The following NLE1 variants were observed in gnomAD, a reference collection of about 807,000 sequenced individuals.
NLE1 encodes the protein notchless protein homolog 1.
A neutral mutation model predicts 62.8 loss-of-function variants in NLE1; 37 were observed. The observed-to-expected ratio is 0.59, with a 90% CI of 0.45 to 0.78. The LOEUF is 0.78. NLE1 is among the 30% of genes least tolerant of loss of function. The pLI is 0.00. For missense variants in NLE1, 555 were observed against 637.9 expected (o/e 0.87, Z 1.40); for synonymous variants, 243 against 253.0 (o/e 0.96, Z 0.37).
intron 4 of NLE1, among the ~76,000 whole-genome samples, chr17:35,138,339 G>A (rs2091922083): frequency 6.6e-6 from 1 of 152,162 alleles, no homozygotes; most frequent in Non-Finnish European, 1.5e-5. Context: ...AGCATCTCCT[G>A]GGAACTTGTT....
At position 35,136,416 on chromosome 17, in the gene NLE1, C is replaced by T. The variant is rs981634305; in HGVS notation, c.910G>A (p.Gly304Arg). 3.1e-6 allele frequency: 5 copies of T among 1,614,160 alleles called. No homozygotes were observed. The highest frequency in any genetic ancestry group is 1.1e-5 in the South Asian group (1 of 91,084). Reference protein sequence around the residue: ...ALSTDYALRTGAFEPAEASVN... With the variant: ...ALSTDYALRTRAFEPAEASVN... ...GAGGCCTCAGCAGGTTCAAAGGCCCCAGTGCGCAGGGCATAGTCAGTGCTG... is the reference window on the plus strand; with the variant it reads ...GAGGCCTCAGCAGGTTCAAAGGCCCTAGTGCGCAGGGCATAGTCAGTGCTG... The change falls in exon 8 of 13, where the codon GGG becomes AGG. Residue 304 changes from glycine to arginine, a missense_variant. Physicochemically the swap from Gly to Arg is moderately radical, Grantham distance 125. Transcript: ENST00000442241.
rs1466711490 is a variant in NLE1 at position 35,130,641 on chromosome 17, C to T, written c.*1796G>A. The T allele has an allele frequency of 7.0e-6, 4 of 571,796 alleles. No individual in the cohort carries two copies. Among genetic ancestry groups the T allele is most frequent in the African/African-American group, 5.6e-5 (3 of 53,328 alleles). 35.4% of individuals were successfully genotyped at this position (571,796 alleles called of 1,614,324 possible). A position where few individuals can be genotyped will look rare whatever the true frequency, so the allele number is the denominator to read the frequency against. On this transcript the variant is annotated 3_prime_UTR_variant, in exon 13 of 13. Coordinates refer to ENST00000442241, the MANE Select transcript of NLE1 (RefSeq NM_018096.5). ...GCATCTCAGGCCAGGCCATGCCAGG[C>T]TCAGCCACTGCCCACAGCTGCTAGA... is the stretch of plus-strand genomic sequence containing the variant.
rs367653256 is a variant in NLE1, at chr17:35,137,127, A to G, written c.702T>C (p.Thr234=). Residue 234 remains threonine, a synonymous_variant, in exon 7 of 13, where the codon ACT becomes ACC. Coordinates refer to ENST00000442241, the MANE Select transcript of NLE1 (RefSeq NM_018096.5). ...KDGSVRIWDT[T]AGRCERILTG... is the part of the protein sequence containing the mutation. The stretch of plus-strand genomic sequence containing the variant: ...TGAGGATGCGCTCACAGCGGCCTGC[A>G]GTTGTGTCCCAGATCCGCACACTGC... The G allele has an allele frequency of 5.0e-6, 8 of 1,613,788 alleles. No individual in the cohort carries two copies. Among genetic ancestry groups the G allele is most frequent in the Non-Finnish European group, 6.8e-6 (8 of 1,179,888 alleles).
Position 35,136,477 on chromosome 17 carries a change from C to G in NLE1, c.849G>C (p.Leu283=). 6.2e-7 allele frequency: 1 copy of G among 1,613,930 alleles called. No homozygotes were observed. Among genetic ancestry groups the G allele is most frequent in the Non-Finnish European group, 8.5e-7 (1 of 1,179,862 alleles). ...TGTTCACCCAGTGGCCGTGGCCTTG[C>G]AGAGTCCGGCACAGCACACCCTACG... ...RAHDGVLCRT[L]QGHGHWVNTM... Residue 283 remains leucine (L), a synonymous_variant, in exon 8 of 13, where the codon CTG becomes CTC. Transcript: ENST00000442241.
intron 10 of NLE1, among the ~76,000 whole-genome samples, chr17:35,134,477 GCAA>G (rs896557578): frequency 3.3e-5 from 5 of 151,780 alleles, no homozygotes; most frequent in African/African-American, 1.2e-4. Context: ...TCGACTCACT[GCAA>G]CCTTTGCCTC....
Position 35,132,266 on chromosome 17 carries a change from C to T in NLE1, c.*171G>A. On this transcript the variant is annotated 3_prime_UTR_variant, in exon 13 of 13. Transcript: ENST00000442241. ...TCTGGGGTGTGCCACAGGCGGGGAT[C>T]TGTGGGAAAACCCCATTCCGGTCTA... 2 of 459,962 alleles carry T rather than the reference C, an allele frequency of 4.3e-6. No homozygotes were observed. The allele number at this position is 459,962 out of a possible 1,614,324, so 28.5% of individuals were successfully genotyped here. A position where few individuals can be genotyped will look rare whatever the true frequency, so the allele number is the denominator to read the frequency against.
chr17:35,132,582 TG>T, intron 12 of NLE1, 133 bp from the exon 13 acceptor site: 1 of 762,086 alleles, frequency 1.3e-6, no homozygotes, highest in Non-Finnish European at 1.9e-6. Context: ...TGACCGTCCC[TG>T]CTCTGCCCAC....
At chr17:35,134,926 C>T (rs1567744524) in intron 10 of NLE1, 2 of 427,906 alleles carry the variant, frequency 4.7e-6, no homozygotes, top group Non-Finnish European at 9.1e-6. Flanking sequence ...GTGGCGGAGG[C>T]CTGTAATCCC....
Position 35,130,462 on chromosome 17 carries a change from C to A in NLE1, c.*1975G>T. 1 of 1,603,630 alleles carries A rather than the reference C, an allele frequency of 6.2e-7. No homozygotes were observed. The highest frequency in any genetic ancestry group is 1.1e-5 in the South Asian group (1 of 90,128). Reference sequence around the variant, plus strand: ...GGGAGGGCCCCAGGACACCCCTCACCTACTTTCAGCTTCAACCCCAGGCCC... The same window carrying A: ...GGGAGGGCCCCAGGACACCCCTCACATACTTTCAGCTTCAACCCCAGGCCC... On this transcript the variant is annotated 3_prime_UTR_variant, in exon 13 of 13. Transcript: ENST00000442241.
At chr17:35,139,140 C>CTGTGACTGCACCAG in intron 4 of NLE1, 95 bp downstream of exon 4, 2 of 1,059,546 alleles carry the variant, frequency 1.9e-6, no homozygotes, top group East Asian at 5.0e-5. Flanking sequence ...TTCAAGTGAG[C>CTGTGACTGCACCAG]TGTGACTGCA....
chr17:35,136,764 A>G (rs759676683), intron 7 of NLE1, among the ~76,000 whole-genome samples: 11 of 152,162 alleles, frequency 7.2e-5, no homozygotes, highest in Non-Finnish European at 1.5e-4. Context: ...ATAAAGCCCA[A>G]CAGCTGTCCT....
chr17:35,137,658 A>T lies in NLE1; in HGVS notation c.538-18T>A. On this transcript the variant is annotated intron_variant, in intron 5 of 12. Coordinates refer to ENST00000442241, the MANE Select transcript of NLE1 (RefSeq NM_018096.5). ...AGGAGAATCTGAAGGACAGAAGCTC[A>T]CTGAATAATCCTCCCCAACAGGTCT... 2.5e-6 allele frequency: 4 copies of T among 1,599,262 alleles called. No individual in the cohort carries two copies. The highest frequency in any genetic ancestry group is 3.4e-6 in the Non-Finnish European group (4 of 1,171,042).
At chr17:35,135,090 T>C in intron 10 of NLE1, 159 bp downstream of exon 10, 1 of 725,390 alleles carries the variant, frequency 1.4e-6, no homozygotes, top group Non-Finnish European at 2.4e-6. Context: ...AAACACCTTG[T>C]AACAAAGCTG....
Position 35,139,903 on chromosome 17 carries a change from G to T in NLE1, c.326C>A (p.Ser109Tyr), listed in dbSNP as rs771335811. The T allele has an allele frequency of 1.2e-6, 2 of 1,614,052 alleles. No individual in the cohort carries two copies. The highest frequency in any genetic ancestry group is 8.5e-7 in the Non-Finnish European group (1 of 1,180,038). Residue 109 changes from serine to tyrosine, a missense_variant, in exon 3 of 13, where the codon TCC (serine) becomes TAC (tyrosine). Ser to Tyr is a moderately radical substitution (Grantham distance 144). Coordinates refer to ENST00000442241, the MANE Select transcript of NLE1 (RefSeq NM_018096.5). Reference protein sequence around the residue: ...RVRAVTRCTSSLEGHSEAVIS... With the variant: ...RVRAVTRCTSYLEGHSEAVIS... ...GACTGCCTCACTGTGACCCTCCAAG[G>T]AGCTGGTGCAGCGAGTCACAGCCCG...
chr17:35,136,422 G>A lies in NLE1; in HGVS notation c.904C>T (p.Arg302Cys), dbSNP rs368313443. 1.4e-5 allele frequency: 22 copies of A among 1,614,130 alleles called. No homozygotes were observed. The highest frequency in any genetic ancestry group is 4.4e-5 in the South Asian group (4 of 91,080). ...TMALSTDYALRTGAFEPAEAS... is the reference protein window; with the variant it reads ...TMALSTDYALCTGAFEPAEAS... ...TCAGCAGGTTCAAAGGCCCCAGTGC[G>A]CAGGGCATAGTCAGTGCTGAGGGCC... The change falls in exon 8 of 13, where the codon CGC becomes TGC. Residue 302 changes from arginine to cysteine, a missense_variant. By Grantham distance (180) the Arg-to-Cys change is radical. Transcript: ENST00000442241.
chr17:35,132,068 CT>C lies in NLE1; in HGVS notation c.*368del, dbSNP rs2091878961. The C allele has an allele frequency of 5.6e-6, 1 of 179,862 alleles. No homozygotes were observed. The highest frequency in any genetic ancestry group is 1.2e-5 in the Non-Finnish European group (1 of 86,668). The allele number at this position is 179,862 out of a possible 1,614,324, so 11.1% of individuals were successfully genotyped here. On this transcript the variant is annotated 3_prime_UTR_variant, in exon 13 of 13. Coordinates refer to ENST00000442241, the MANE Select transcript of NLE1 (RefSeq NM_018096.5). ...AGGAATTAGAACCCAACACACAAAA[CT>C]TAAGTTACTTATTTGGTCATAGAAC...
In NLE1 at chr17:35,130,297, A is replaced by G. The variant is rs78526886; in HGVS notation, c.*2140T>C. Reference sequence around the variant, plus strand: ...TTCACTTCAGTTTGCAACCCTGGCCACTGACTTCAGCAGCTTTCCTGAGAA... The same window carrying G: ...TTCACTTCAGTTTGCAACCCTGGCCGCTGACTTCAGCAGCTTTCCTGAGAA... On this transcript the variant is annotated 3_prime_UTR_variant, in exon 13 of 13. Coordinates refer to ENST00000442241, the MANE Select transcript of NLE1 (RefSeq NM_018096.5). The G allele has an allele frequency of 6.2e-7, 1 of 1,613,910 alleles. No homozygotes were observed. The highest frequency in any genetic ancestry group is 1.7e-4 in the Middle Eastern group (1 of 6,054).
Position 35,142,247 on chromosome 17 carries a change from C to T in NLE1, c.18+11G>A, listed in dbSNP as rs2091949039. 6.5e-7 allele frequency: 1 copy of T among 1,550,286 alleles called. No homozygotes were observed. Among genetic ancestry groups the T allele is most frequent in the East Asian group, 2.4e-5 (1 of 41,340 alleles). On this transcript the variant is annotated intron_variant, in intron 1 of 12. Transcript: ENST00000442241. Reference sequence around the variant, plus strand: ...CGGCGACGCCCCCCGCCCCCATCCACGCACACCCACCGGCACTGCTGCCGC... The same window carrying T: ...CGGCGACGCCCCCCGCCCCCATCCATGCACACCCACCGGCACTGCTGCCGC...
rs2091912980 is a variant in NLE1, at chr17:35,136,990, C to T, written c.828+11G>A. The T allele has an allele frequency of 6.3e-7, 1 of 1,585,768 alleles. No homozygotes were observed. The highest frequency in any genetic ancestry group is 8.6e-7 in the Non-Finnish European group (1 of 1,159,716). The stretch of plus-strand genomic sequence containing the variant: ...TTTCTGGACTGGTTTCTGAACCCTC[C>T]CAGCACTTACGTCATGAGCTCTCCA... On this transcript the variant is annotated intron_variant, in intron 7 of 12. Transcript: ENST00000442241.
Sources: gnomAD v4.1 joint callset for allele counts (sites outside exome capture counted in the v4.1 genomes callset) on GRCh38, gnomAD v4.1.1 for gene constraint, MANE v1.5 for transcripts, NCBI Gene and HGNC (gene_info 2026-07-23, HGNC 2026-07-21) for gene names.